Variants in SAMD4A observed in about 807,000 individuals in gnomAD.
The protein encoded by SAMD4A is protein Smaug homolog 1.
SAMD4A carries 33 observed loss-of-function variants against 81.3 expected under a neutral mutation model. The observed-to-expected ratio is 0.41, with a 90% CI of 0.31 to 0.54. The LOEUF (loss-of-function observed/expected upper bound fraction) is 0.54. Among genes scored for constraint, SAMD4A ranks in the 20% least tolerant of loss-of-function variants. The pLI is 0.37. For synonymous variants in SAMD4A, 389 were observed against 382.1 expected (o/e 1.02, Z -0.21); for missense variants, 854 against 951.1 (o/e 0.90, Z 1.34).
intron 2 of SAMD4A, chr14:54,694,637 A>G: frequency 3.9e-5 from 38 of 985,566 alleles, no homozygotes; most frequent in Non-Finnish European, 4.2e-5. Context: ...GCCAGAGGTC[A>G]GAACCGAGGC....
At chr14:54,686,461 A>G (rs1706170624) in intron 2 of SAMD4A, among the ~76,000 whole-genome samples, 1 of 152,068 alleles carries the variant, frequency 6.6e-6, no homozygotes, top group Admixed American at 6.5e-5. Flanking sequence ...TGTGAATCAT[A>G]GCTTTTCCAG....
At chr14:54,776,385 A>T in intron 10 of SAMD4A, 29 bp from the exon 11 acceptor site, 3 of 1,581,002 alleles carry the variant, frequency 1.9e-6, no homozygotes, top group Non-Finnish European at 2.6e-6. Context: ...GGCTGAACTA[A>T]CAAGTTCCCC....
intron 2 of SAMD4A, among the ~76,000 whole-genome samples, chr14:54,575,152 G>A (rs1186717004): frequency 1.3e-5 from 2 of 152,132 alleles, no homozygotes; most frequent in African/African-American, 4.8e-5. Flanking sequence ...AAACCTAAGT[G>A]TCCTAGGAGA....
intron 2 of SAMD4A, among the ~76,000 whole-genome samples, chr14:54,686,903 T>C (rs2036285971): frequency 1.3e-5 from 2 of 152,210 alleles, no homozygotes; most frequent in African/African-American, 4.8e-5. Context: ...GTCACCTTAT[T>C]GGCTGGGAGT....
chr14:54,760,069 C>T, intron 6 of SAMD4A, 92 bp from the exon 7 acceptor site: 3 of 1,336,126 alleles, frequency 2.2e-6, no homozygotes, highest in Non-Finnish European at 3.1e-6. Context: ...GCCACGAATC[C>T]TGTAAGAGCT....
chr14:54,669,522 G>A (rs569164278), intron 2 of SAMD4A, among the ~76,000 whole-genome samples: 6 of 145,006 alleles, frequency 4.1e-5, no homozygotes, highest in South Asian at 2.2e-4. Context: ...GCAGTGGTGC[G>A]ATCATCGCTC....
intron 6 of SAMD4A, among the ~76,000 whole-genome samples, chr14:54,757,773 G>T (rs1208398163): frequency 6.6e-6 from 1 of 152,284 alleles, no homozygotes; most frequent in East Asian, 1.9e-4. Context: ...GCTGGACAAG[G>T]AGGTCAGTGT....
Position 54,660,575 on chromosome 14 carries a change from A to G in SAMD4A, c.197-41487A>G, listed in dbSNP as rs117871231. Among the ~76,000 whole-genome samples the G allele has an allele frequency of 1.1e-4, 16 of 152,326 alleles. 1 individual carries two copies. The East Asian group carries it at 3.1e-3, about 29-fold the overall frequency. On this transcript the variant is annotated intron_variant, in intron 2 of 12. Transcript: ENST00000554335. Reference sequence around the variant, plus strand: ...ACTGGAGACAGACTTTCTTGATGCTACCAGTGGTGAAGAATCCAGTCATCA... The same window carrying G: ...ACTGGAGACAGACTTTCTTGATGCTGCCAGTGGTGAAGAATCCAGTCATCA...
chr14:54,607,430 C>T (rs2034237755), intron 2 of SAMD4A, among the ~76,000 whole-genome samples: 1 of 150,582 alleles, frequency 6.6e-6, no homozygotes, highest in Non-Finnish European at 1.5e-5. Flanking sequence ...GAAGGTGGAT[C>T]ACTTGAGGTC....
At chr14:54,759,290 C>A (rs2038328316) in intron 6 of SAMD4A, among the ~76,000 whole-genome samples, 1 of 152,236 alleles carries the variant, frequency 6.6e-6, no homozygotes, top group Non-Finnish European at 1.5e-5. Flanking sequence ...GGCCTCCAGG[C>A]TCAGGCCTAG....
chr14:54,755,322 G>C, intron 6 of SAMD4A, among the ~76,000 whole-genome samples: 1 of 152,176 alleles, frequency 6.6e-6, no homozygotes, highest in East Asian at 1.9e-4. Context: ...CACCCAAGTG[G>C]AAATGGCAAG....
At chr14:54,664,811 A>ACG (rs2035721711) in intron 2 of SAMD4A, among the ~76,000 whole-genome samples, 1 of 44,662 alleles carries the variant, frequency 2.2e-5, no homozygotes, top group South Asian at 5.1e-4. Context: ...TGTGAATCCA[A>ACG]CACACACACA....
At position 54,768,659 on chromosome 14, in the gene SAMD4A, C is replaced by T. The variant is rs563964259; in HGVS notation, c.1597-1445C>T. Among the ~76,000 whole-genome samples, 82 of 152,312 alleles carry T rather than the reference C, an allele frequency of 5.4e-4. 1 individual carries two copies. The highest frequency in any genetic ancestry group is 9.4e-4 in the African/African-American group (39 of 41,574). The stretch of plus-strand genomic sequence containing the variant: ...CCTTTTGCCCAGTTTCAGAGGTACT[C>T]GTGTGTAGCTGGACATGCAGGGAGC... On this transcript the variant is annotated intron_variant, in intron 8 of 12. Coordinates refer to ENST00000554335, the MANE Select transcript of SAMD4A (RefSeq NM_015589.6).
chr14:54,733,504 C>A lies in SAMD4A; in HGVS notation c.716-3520C>A, dbSNP rs116489315. On this transcript the variant is annotated intron_variant, in intron 3 of 12. Transcript: ENST00000554335. ...CAGTATGCTTTTCAATATAATGAAT[C>A]CATCCTGAAATATGCTGTCCCTCTA... is the stretch of plus-strand genomic sequence containing the variant. Among the ~76,000 whole-genome samples, 927 of 152,218 alleles carry A rather than the reference C, an allele frequency of 6.1e-3. 9 individuals carry two copies. Among genetic ancestry groups the A allele is most frequent in the African/African-American group, 0.021 (876 of 41,526 alleles).
intron 2 of SAMD4A, among the ~76,000 whole-genome samples, chr14:54,637,462 G>A (rs1244105182): frequency 6.6e-6 from 1 of 151,924 alleles, no homozygotes; most frequent in Non-Finnish European, 1.5e-5. Flanking sequence ...AAAGCCAGGA[G>A]AGGGTGGAGC....
chr14:54,578,422 G>A (rs1287073034), intron 2 of SAMD4A, among the ~76,000 whole-genome samples: 1 of 152,120 alleles, frequency 6.6e-6, no homozygotes, highest in Non-Finnish European at 1.5e-5. Context: ...GGTTTTAAAA[G>A]TTTTCTTGGT....
chr14:54,688,207 T>C (rs2140639881), intron 2 of SAMD4A: 4 of 985,494 alleles, frequency 4.1e-6, no homozygotes, highest in Admixed American at 6.1e-5. Flanking sequence ...AAGAGAATTT[T>C]GCTCCTGTTA....
Position 54,567,927 on chromosome 14 carries a change from G to T in SAMD4A, c.11G>T (p.Arg4Leu). 1 of 1,607,584 alleles carries T rather than the reference G, an allele frequency of 6.2e-7. No individual in the cohort carries two copies. Among genetic ancestry groups the T allele is most frequent in the Non-Finnish European group, 8.5e-7 (1 of 1,178,902 alleles). Residue 4 changes from arginine to leucine, a missense_variant, in exon 2 of 13, where the codon CGC (arginine) becomes CTC (leucine). This residue lies in a region of SAMD4A where 387 missense variants were observed against 405.8 expected (regional missense o/e 0.95). Transcript: ENST00000554335. ...GGCGGCCCCCTAACCATGATGTTTCGCGACCAGGTCGGGGTGCTGGCGGGC... is the reference window on the plus strand; with the variant it reads ...GGCGGCCCCCTAACCATGATGTTTCTCGACCAGGTCGGGGTGCTGGCGGGC... MMF[R>L]DQVGVLAGWF...
At chr14:54,769,872 G>A (rs1047322760) in intron 8 of SAMD4A, among the ~76,000 whole-genome samples, 3 of 152,164 alleles carry the variant, frequency 2.0e-5, no homozygotes, top group African/African-American at 7.2e-5. Context: ...CAAAAATGAG[G>A]GTTGTCAACA....
Sources: gnomAD v4.1 joint callset for allele counts (sites outside exome capture counted in the v4.1 genomes callset) on GRCh38, gnomAD v4.1.1 for gene constraint, gnomAD v4.1.1 regional missense constraint, MANE v1.5 for transcripts, NCBI Gene and HGNC (gene_info 2026-07-23, HGNC 2026-07-21) for gene names.